NPM1: variants seen among roughly 807,000 people sequenced by gnomAD.
NPM1 encodes the protein nucleophosmin 1.
In NPM1, 1 loss-of-function variant was observed where a neutral mutation model predicts 44.1. The observed-to-expected ratio is 0.02, with a 90% CI of 0.01 to 0.11. The LOEUF (loss-of-function observed/expected upper bound fraction) is 0.11. Among genes scored for constraint, NPM1 ranks in the 10% least tolerant of loss-of-function variants. The pLI is 1.00. For missense variants in NPM1, 197 were observed against 347.8 expected (o/e 0.57, Z 3.45); for synonymous variants, 126 against 111.8 (o/e 1.13, Z -0.80).
intron 9 of NPM1, chr5:171,406,305 T>C: frequency 9.0e-7 from 1 of 1,113,990 alleles, no homozygotes; most frequent in Non-Finnish European, 1.4e-6. Context: ...TATCACTGAT[T>C]TTTGTCCCTT....
At position 171,391,685 on chromosome 5, in the gene NPM1, TGAAAAA is replaced by T; in HGVS notation, c.259-20_259-15del. 1 of 1,494,190 alleles carries T rather than the reference TGAAAAA, an allele frequency of 6.7e-7. No individual in the cohort carries two copies. The highest frequency in any genetic ancestry group is 9.3e-7 in the Non-Finnish European group (1 of 1,073,072). The allele number at this position is 1,494,190 out of a possible 1,614,324, so 92.6% of individuals were successfully genotyped here. On this transcript the variant is annotated splice_polypyrimidine_tract_variant and intron_variant, in intron 3 of 10. Coordinates refer to ENST00000296930, the MANE Select transcript of NPM1 (RefSeq NM_002520.7). The stretch of plus-strand genomic sequence containing the variant: ...TTCATTTTCTTCACATGTTTAGTGA[TGAAAAA>T]TTTCTCCCTTCTAGGTTTCCCTTGG...
At chr5:171,402,224 GAC>G (rs1387232578) in intron 8 of NPM1, among the ~76,000 whole-genome samples, 2 of 149,888 alleles carry the variant, frequency 1.3e-5, no homozygotes, top group Admixed American at 1.3e-4. Flanking sequence ...CTTTTCAAAA[GAC>G]ATACAAGTGG....
chr5:171,402,883 T>G (rs2113249216), intron 8 of NPM1, among the ~76,000 whole-genome samples: 1 of 149,514 alleles, frequency 6.7e-6, no homozygotes, highest in African/African-American at 2.4e-5. Flanking sequence ...CCATGCTTCC[T>G]ATACAGCCTA....
upstream of NPM1, among the ~76,000 whole-genome samples, chr5:171,387,494 A>T (rs1770274987): frequency 6.6e-6 from 1 of 152,158 alleles, no homozygotes; most frequent in Admixed American, 6.5e-5. Context: ...TGCCGACGCC[A>T]TTTTGCAGGG....
intron 8 of NPM1, among the ~76,000 whole-genome samples, chr5:171,404,698 G>T (rs1240391252): frequency 7.0e-6 from 1 of 143,762 alleles, no homozygotes; most frequent in Non-Finnish European, 1.5e-5. Flanking sequence ...ACGATGGGCG[G>T]CCAGGCAGAG....
chr5:171,406,684 C>G, intron 9 of NPM1: 1 of 1,277,270 alleles, frequency 7.8e-7, no homozygotes, highest in Non-Finnish European at 9.9e-7. Flanking sequence ...TTTAAATCGC[C>G]TTTGTATCTC....
In NPM1 at chr5:171,392,502, C is replaced by A. The variant is rs74346084; in HGVS notation, c.353-208C>A. 0.015 allele frequency among the ~76,000 whole-genome samples: 2,311 copies of A among 152,210 alleles called. 50 individuals are homozygous for A. The highest frequency in any genetic ancestry group is 0.052 in the African/African-American group (2,149 of 41,504). On this transcript the variant is annotated intron_variant, in intron 4 of 10. Coordinates refer to ENST00000296930, the MANE Select transcript of NPM1 (RefSeq NM_002520.7). ...TGAGATTACAGGCATGAGCCACCCTCCCCAGGCTTCTTGCATTTAAAACCT... is the reference window on the plus strand; with the variant it reads ...TGAGATTACAGGCATGAGCCACCCTACCCAGGCTTCTTGCATTTAAAACCT...
At chr5:171,398,392 T>C (rs776293229) in intron 6 of NPM1, among the ~76,000 whole-genome samples, 20 of 152,194 alleles carry the variant, frequency 1.3e-4, no homozygotes, top group Non-Finnish European at 1.9e-4. Flanking sequence ...GGTCTAAATA[T>C]AGACTTTGGA....
intron 4 of NPM1, 107 bp from the exon 5 acceptor site, chr5:171,392,603 T>TTA: frequency 5.5e-6 from 3 of 549,816 alleles, no homozygotes; most frequent in Non-Finnish European, 5.8e-6. Flanking sequence ...TTTTTTTTTT[T>TTA]AAATAGAATA....
intron 6 of NPM1, among the ~76,000 whole-genome samples, chr5:171,397,103 C>G (rs1369361313): frequency 2.0e-5 from 3 of 152,164 alleles, no homozygotes; most frequent in Admixed American, 2.0e-4. Flanking sequence ...CTCTTCAGCT[C>G]TAGTCAACCA....
At chr5:171,399,849 CTTTGAG>C (rs1357590876) in intron 6 of NPM1, among the ~76,000 whole-genome samples, 4 of 152,136 alleles carry the variant, frequency 2.6e-5, no homozygotes, top group Non-Finnish European at 2.9e-5. Context: ...CCTTCTATTT[CTTTGAG>C]TTTGACTACT....
intron 10 of NPM1, among the ~76,000 whole-genome samples, chr5:171,409,682 ACTTTT>A (rs1400315478): frequency 6.6e-6 from 1 of 152,150 alleles, no homozygotes; most frequent in African/African-American, 2.4e-5. Flanking sequence ...GAACTTCTGG[ACTTTT>A]CTTCAGAACC....
chr5:171,409,218 C>A (rs1234683877), intron 10 of NPM1, among the ~76,000 whole-genome samples: 1 of 152,182 alleles, frequency 6.6e-6, no homozygotes, highest in Non-Finnish European at 1.5e-5. Context: ...ATTGCTGTTA[C>A]AGAGATTATC....
upstream of NPM1, chr5:171,387,504 G>A: frequency 5.0e-6 from 1 of 201,398 alleles, no homozygotes; most frequent in Non-Finnish European, 1.0e-5. Flanking sequence ...ATTTTGCAGG[G>A]TGGGCTGCGC....
At chr5:171,392,188 G>T (rs770126975) in intron 4 of NPM1, among the ~76,000 whole-genome samples, 1 of 152,136 alleles carries the variant, frequency 6.6e-6, no homozygotes, top group African/African-American at 2.4e-5. Flanking sequence ...TGATCTGCAC[G>T]CCCTGGCCTC....
At chr5:171,395,321 G>A (rs62383961) in intron 6 of NPM1, among the ~76,000 whole-genome samples, 1 of 151,030 alleles carries the variant, frequency 6.6e-6, no homozygotes, top group Non-Finnish European at 1.5e-5. Flanking sequence ...TTTTTTTTCG[G>A]CAAGTCTCGC....
At chr5:171,407,628 G>T in intron 9 of NPM1, 72 bp from the exon 10 acceptor site, 1 of 864,620 alleles carries the variant, frequency 1.2e-6, no homozygotes. Context: ...GCAGATTATT[G>T]AGGAATTTTC....
chr5:171,387,661 G>T, upstream of NPM1: 1 of 469,164 alleles, frequency 2.1e-6, no homozygotes, highest in Admixed American at 3.8e-5. Flanking sequence ...GCGCGTGCTC[G>T]GTGGGAGCCC....
intron 7 of NPM1, 111 bp downstream of exon 7, chr5:171,400,321 A>ATACTGAGGGAGATCATCTCG: frequency 1.6e-6 from 2 of 1,231,432 alleles, no homozygotes; most frequent in South Asian, 1.4e-5. Context: ...AGATCATCTC[A>ATACTGAGGGAGATCATCTCG]TACTGAAAAT....
Sources: allele counts gnomAD v4.1 joint callset (sites outside exome capture counted in the v4.1 genomes callset), GRCh38; gene constraint gnomAD v4.1.1; transcripts MANE v1.5; gene names NCBI Gene and HGNC (gene_info 2026-07-23, HGNC 2026-07-21).